PSTPIP1: variants seen among roughly 807,000 people sequenced by gnomAD.
The protein encoded by PSTPIP1 is proline-serine-threonine phosphatase interacting protein 1, also known as proline-serine-threonine phosphatase-interacting protein 1.
In PSTPIP1, 66 loss-of-function variants were observed where a neutral mutation model predicts 69.6. The observed-to-expected ratio is 0.95, with a 90% CI of 0.78 to 1.16. The LOEUF is 1.16. Ranked by LOEUF, PSTPIP1 falls within the 50% of genes most tolerant of loss-of-function variation. The pLI, the probability that PSTPIP1 is intolerant of heterozygous loss-of-function variation, is 0.00. For missense variants in PSTPIP1, 603 were observed against 557.4 expected, an observed-to-expected ratio of 1.08 and a Z score of -0.82; for synonymous variants, 266 against 222.7, an observed-to-expected ratio of 1.19 and a Z score of -1.73.
At chr15:76,997,963 T>C (rs1378302261) in intron 1 of PSTPIP1, among the ~76,000 whole-genome samples, 1 of 151,760 alleles carries the variant, frequency 6.6e-6, no homozygotes, top group African/African-American at 2.4e-5. Flanking sequence ...TTAGGCGGGG[T>C]GCAGTGGTTC....
chr15:77,003,773 A>C (rs749226896), intron 1 of PSTPIP1, among the ~76,000 whole-genome samples: 3 of 152,072 alleles, frequency 2.0e-5, no homozygotes, highest in African/African-American at 7.2e-5. Flanking sequence ...CAGTTTCCTC[A>C]TCTGCAGGAT....
chr15:77,026,234 G>C, intron 5 of PSTPIP1: 1 of 455,688 alleles, frequency 2.2e-6, no homozygotes, highest in African/African-American at 2.0e-5. Context: ...GTTGGATATA[G>C]GTTCCCTGGA....
intron 12 of PSTPIP1, among the ~76,000 whole-genome samples, chr15:77,033,729 A>C (rs2076478692): frequency 6.6e-6 from 1 of 151,960 alleles, no homozygotes. Context: ...GGCCCTTCCC[A>C]AGGACCAGCT....
intron 1 of PSTPIP1, among the ~76,000 whole-genome samples, chr15:77,004,923 G>C (rs1262096276): frequency 6.6e-6 from 1 of 152,004 alleles, no homozygotes; most frequent in East Asian, 1.9e-4. Context: ...GCCAGATCTT[G>C]TAGGACTGTC....
chr15:77,005,624 C>G (rs1019926340), intron 1 of PSTPIP1, among the ~76,000 whole-genome samples: 3 of 152,154 alleles, frequency 2.0e-5, no homozygotes, highest in African/African-American at 7.2e-5. Flanking sequence ...AGAAATTGTA[C>G]CCATCAAACA....
chr15:77,029,430 A>G, intron 7 of PSTPIP1, 99 bp from the exon 8 acceptor site: 1 of 1,396,580 alleles, frequency 7.2e-7, no homozygotes, highest in Middle Eastern at 1.8e-4. Context: ...TGTTCCCCCC[A>G]GGGTGGCCGG....
intron 3 of PSTPIP1, among the ~76,000 whole-genome samples, chr15:77,019,309 C>A (rs895490844): frequency 1.3e-5 from 2 of 152,214 alleles, no homozygotes; most frequent in East Asian, 3.8e-4. Flanking sequence ...GGCAGACAGA[C>A]CACCGGCCTC....
intron 11 of PSTPIP1, 98 bp from the exon 12 acceptor site, chr15:77,032,764 C>A: frequency 1.9e-6 from 2 of 1,078,852 alleles, no homozygotes; most frequent in African/African-American, 1.6e-5. Flanking sequence ...CCAGGATGGG[C>A]CAGGGCCAGA....
rs201770311 is a variant in PSTPIP1 at position 77,032,345 on chromosome 15, C to T, written c.789C>T (p.Ala263=). Residue 263 remains alanine, a synonymous_variant, in exon 11 of 15, where the codon GCC becomes GCT. Coordinates refer to ENST00000558012, the MANE Select transcript of PSTPIP1 (RefSeq NM_003978.5). ...RLTLEGCSID[A]DIDSFIQAKS... ...CGCTGGAAGGCTGCAGCATAGACGC[C>T]GACATCGACAGTTTCATCCAGGCCA... The T allele has an allele frequency of 4.5e-5, 73 of 1,612,506 alleles. No individual in the cohort carries two copies. The highest frequency in any genetic ancestry group is 1.1e-4 in the East Asian group (5 of 44,900).
At chr15:77,003,037 A>G (rs539796536) in intron 1 of PSTPIP1, among the ~76,000 whole-genome samples, 22 of 152,158 alleles carry the variant, frequency 1.4e-4, no homozygotes, top group Non-Finnish European at 3.1e-4. Flanking sequence ...GTGCAAGGTG[A>G]CTGGTAGGAA....
intron 1 of PSTPIP1, among the ~76,000 whole-genome samples, chr15:77,004,044 A>G (rs1266596379): frequency 6.6e-6 from 1 of 152,260 alleles, no homozygotes; most frequent in Non-Finnish European, 1.5e-5. Flanking sequence ...TTCAAGTAAC[A>G]AGATGATCTA....
chr15:77,003,081 G>A (rs939524443), intron 1 of PSTPIP1, among the ~76,000 whole-genome samples: 16 of 152,208 alleles, frequency 1.1e-4, no homozygotes, highest in Admixed American at 3.9e-4. Context: ...AAAGGTCTCT[G>A]CCCTAAGTGG....
intron 1 of PSTPIP1, among the ~76,000 whole-genome samples, chr15:77,004,097 A>G (rs766715642): frequency 1.3e-5 from 2 of 152,216 alleles, no homozygotes; most frequent in Non-Finnish European, 2.9e-5. Flanking sequence ...TGAGGTCAGT[A>G]TTCTTATTCC....
intron 12 of PSTPIP1, among the ~76,000 whole-genome samples, chr15:77,033,546 T>C (rs2076473729): frequency 6.6e-6 from 1 of 152,148 alleles, no homozygotes. Context: ...GGAGCCCTCG[T>C]AGCCAGGCCT....
chr15:77,008,967 G>C (rs1320163903), intron 1 of PSTPIP1, among the ~76,000 whole-genome samples: 3 of 152,178 alleles, frequency 2.0e-5, no homozygotes, highest in African/African-American at 7.2e-5. Flanking sequence ...CTCTCACTCT[G>C]ACCTTGGAGC....
chr15:77,030,809 C>T (rs2076396301), intron 9 of PSTPIP1, among the ~76,000 whole-genome samples: 1 of 152,246 alleles, frequency 6.6e-6, no homozygotes, highest in African/African-American at 2.4e-5. Flanking sequence ...TTCTTCCACC[C>T]TCTTTGTTGA....
rs1596105279 is a variant in PSTPIP1, at chr15:77,025,552, A to G, written c.302A>G (p.Glu101Gly). The G allele has an allele frequency of 1.2e-5, 18 of 1,554,772 alleles. No individual in the cohort carries two copies. In the East Asian group the frequency reaches 4.4e-4, roughly 38 times the overall value. The change falls in exon 5 of 15, where the codon GAG becomes GGG. Residue 101 changes from glutamate (E) to glycine (G), a missense_variant. Glu to Gly is a moderately conservative substitution (Grantham distance 98). Coordinates refer to ENST00000558012, the MANE Select transcript of PSTPIP1 (RefSeq NM_003978.5). ...HIQLALTLREELRSLEEFRER... is the reference protein window; with the variant it reads ...HIQLALTLREGLRSLEEFRER... ...CAGCTGGCCCTGACCCTGCGTGAGG[A>G]GCTGCGGAGTCTCGAGGAGTTTCGT...
chr15:77,017,745 G>A (rs1365844810), intron 1 of PSTPIP1, among the ~76,000 whole-genome samples: 1 of 152,310 alleles, frequency 6.6e-6, no homozygotes, highest in East Asian at 1.9e-4. Context: ...CCTACACCTC[G>A]GTTTCCCCAC....
At chr15:77,022,411 A>G (rs2076179933) in intron 3 of PSTPIP1, among the ~76,000 whole-genome samples, 1 of 152,222 alleles carries the variant, frequency 6.6e-6, no homozygotes. Flanking sequence ...CCGAGTCAAA[A>G]AGGGCAATGG....
Sources: gnomAD v4.1 joint callset for allele counts (sites outside exome capture counted in the v4.1 genomes callset) on GRCh38, gnomAD v4.1.1 for gene constraint, MANE v1.5 for transcripts, NCBI Gene and HGNC (gene_info 2026-07-23, HGNC 2026-07-21) for gene names.